ATOSB: variants seen among roughly 807,000 people sequenced by gnomAD.
ATOSB encodes atos homolog B, also known as atos homolog protein B.
the ATOSB span, chr9:35,106,755 C>T: frequency 6.6e-7 from 1 of 1,518,846 alleles, no homozygotes; most frequent in Non-Finnish European, 8.9e-7. The surrounding 1 kb of genome is among the most constrained non-coding windows in gnomAD (Gnocchi z 4.6). Flanking sequence ...CTGGGGTCCC[C>T]TACTCGGATG....
chr9:35,107,260 T>C, the ATOSB span: 8 of 1,196,222 alleles, frequency 6.7e-6, no homozygotes, highest in African/African-American at 3.4e-5. Flanking sequence ...GAGGAGGAGG[T>C]TGCAGTCAGC....
the ATOSB span, chr9:35,110,275 C>T: frequency 6.6e-6 from 1 of 152,308 alleles, no homozygotes; most frequent in Admixed American, 6.5e-5. Context: ...GTACAACCTG[C>T]ACTAATTTCT....
At chr9:35,113,629 AAAAT>A in the ATOSB span, among the ~76,000 whole-genome samples, 46,238 of 142,108 alleles carry the variant, frequency 0.33, 8,365 homozygotes, top group East Asian at 0.81. Flanking sequence ...CTCCGTCTCA[AAAAT>A]AAATAAATAA....
At chr9:35,111,934 G>C in the ATOSB span, among the ~76,000 whole-genome samples, 1 of 152,154 alleles carries the variant, frequency 6.6e-6, no homozygotes, top group African/African-American at 2.4e-5. Context: ...CTTCCAGGAC[G>C]GTTAATAGGA....
At chr9:35,105,766 C>T in the ATOSB span, 6 of 1,613,878 alleles carry the variant, frequency 3.7e-6, no homozygotes, top group Non-Finnish European at 5.1e-6. The surrounding 1 kb of genome is among the most constrained non-coding windows in gnomAD (Gnocchi z 5.5). Flanking sequence ...GAGGCGATGG[C>T]GCAGGAAGGT....
the ATOSB span, chr9:35,106,012 G>A: frequency 6.2e-7 from 1 of 1,612,400 alleles, no homozygotes; most frequent in Non-Finnish European, 8.5e-7. The surrounding 1 kb of genome is among the most constrained non-coding windows in gnomAD (Gnocchi z 4.6). Flanking sequence ...ACGATGCCCT[G>A]GAAGGCCAGG....
At chr9:35,108,090 G>A in the ATOSB span, 6 of 1,545,164 alleles carry the variant, frequency 3.9e-6, no homozygotes, top group South Asian at 5.0e-5. Context: ...GGCCCTATGA[G>A]GCTCAGAGGT....
At chr9:35,112,519 A>C in the ATOSB span, 4 of 152,252 alleles carry the variant, frequency 2.6e-5, no homozygotes, top group Non-Finnish European at 4.4e-5. Context: ...ATCAAATGGC[A>C]GCAGAACCGG....
the ATOSB span, chr9:35,105,560 T>C: frequency 1.8e-6 from 2 of 1,113,292 alleles, no homozygotes; most frequent in Non-Finnish European, 2.5e-6. This position sits in a 1 kb window ranked among gnomAD's most constrained non-coding sequence, Gnocchi z 5.5. Flanking sequence ...TATATGTACA[T>C]ACATACATAA....
chr9:35,113,595 G>T, the ATOSB span, among the ~76,000 whole-genome samples: 1 of 151,984 alleles, frequency 6.6e-6, no homozygotes, highest in Non-Finnish European at 1.5e-5. Context: ...CTGCACTCCA[G>T]CCTGGGTGAC....
the ATOSB span, chr9:35,106,090 C>G: frequency 2.6e-6 from 4 of 1,531,674 alleles, no homozygotes; most frequent in African/African-American, 2.7e-5. This position sits in a 1 kb window ranked among gnomAD's most constrained non-coding sequence, Gnocchi z 4.6. Context: ...TCCACAAGCT[C>G]TCACCCTGAA....
the ATOSB span, chr9:35,107,652 C>T: frequency 6.2e-7 from 1 of 1,606,760 alleles, no homozygotes; most frequent in Non-Finnish European, 8.5e-7. Flanking sequence ...GAGGCTACCC[C>T]CATTGCCCAC....
chr9:35,106,001 C>T, the ATOSB span: 1 of 1,613,508 alleles, frequency 6.2e-7, no homozygotes, highest in East Asian at 2.2e-5. This position sits in a 1 kb window ranked among gnomAD's most constrained non-coding sequence, Gnocchi z 4.6. Context: ...GGTTCAGATC[C>T]ACGATGCCCT....
chr9:35,105,744 A>G, the ATOSB span: 2 of 1,614,088 alleles, frequency 1.2e-6, no homozygotes, highest in Admixed American at 1.7e-5. The surrounding 1 kb of genome is among the most constrained non-coding windows in gnomAD (Gnocchi z 5.5). Context: ...CCTCACCCAC[A>G]GGCACCAAAA....
chr9:35,108,513 T>TC, the ATOSB span: 1 of 1,236,646 alleles, frequency 8.1e-7, no homozygotes, highest in Admixed American at 3.8e-5. Context: ...TAGAGACCAC[T>TC]CTCAGAACTC....
chr9:35,106,308 G>A, the ATOSB span: 2 of 1,614,202 alleles, frequency 1.2e-6, no homozygotes, highest in Non-Finnish European at 1.7e-6. This position sits in a 1 kb window ranked among gnomAD's most constrained non-coding sequence, Gnocchi z 4.6. Flanking sequence ...ACAGTGACAG[G>A]CAGCGTGACG....
the ATOSB span, among the ~76,000 whole-genome samples, chr9:35,114,056 A>G: frequency 1.1e-3 from 168 of 152,326 alleles, no homozygotes; most frequent in Non-Finnish European, 2.0e-3. Flanking sequence ...CTGCAGCTCT[A>G]CAATTCTAAT....
the ATOSB span, chr9:35,105,920 ACTCCCT>A: frequency 6.2e-7 from 1 of 1,613,668 alleles, no homozygotes; most frequent in Non-Finnish European, 8.5e-7. This position sits in a 1 kb window ranked among gnomAD's most constrained non-coding sequence, Gnocchi z 5.5. Context: ...CCCCACTCCC[ACTCCCT>A]CAGGGCAAAC....
chr9:35,115,029 G>C, the ATOSB span, among the ~76,000 whole-genome samples: 36 of 150,844 alleles, frequency 2.4e-4, no homozygotes, highest in Non-Finnish European at 4.7e-4. Context: ...AGCACACCCA[G>C]AGCATAAGGG....
Sources: allele counts gnomAD v4.1 joint callset (sites outside exome capture counted in the v4.1 genomes callset), GRCh38; gene constraint gnomAD v4.1.1; non-coding constraint Gnocchi (gnomAD v3.1); transcripts MANE v1.5; gene names NCBI Gene and HGNC (gene_info 2026-07-23, HGNC 2026-07-21).